Variants in DOP1A observed in about 807,000 individuals in gnomAD.
DOP1A encodes the protein protein DOP1A.
A neutral mutation model predicts 267.6 loss-of-function variants in DOP1A; 90 were observed. That is an observed-to-expected ratio of 0.34 (90% CI 0.28 to 0.40). The LOEUF is 0.40. Ranked by LOEUF, DOP1A falls within the 10% of genes least tolerant of loss-of-function variation. DOP1A has a pLI of 1.00. For synonymous variants in DOP1A, 932 were observed against 999.1 expected (o/e 0.93, Z 1.27); for missense variants, 2,437 against 2,900.4 (o/e 0.84, Z 3.67).
rs369575002 is a variant in DOP1A at position 83,113,438 on chromosome 6, G to A, written c.780+17G>A. 512 of 1,596,110 alleles carry A rather than the reference G, an allele frequency of 3.2e-4. No homozygotes were observed. Among genetic ancestry groups the A allele is most frequent in the Non-Finnish European group, 4.1e-4 (477 of 1,164,328 alleles). On this transcript the variant is annotated intron_variant, in intron 7 of 38. Coordinates refer to ENST00000349129, the MANE Select transcript of DOP1A (RefSeq NM_015018.4). ...ATGAGTCAGGTAAAATATTAACGCC[G>A]ATGTTATTATAAGGCATTCTTGGAA...
In DOP1A at chr6:83,138,512, A is replaced by T; in HGVS notation, c.4470A>T (p.Ile1490=). 1 of 1,613,748 alleles carries T rather than the reference A, an allele frequency of 6.2e-7. No individual in the cohort carries two copies. The highest frequency in any genetic ancestry group is 1.3e-5 in the African/African-American group (1 of 75,056). ...IGNRNMQMMS[I]EILTLLFTEL... ...ATCGAAACATGCAAATGATGAGCAT[A>T]GAAATTCTGACACTACTCTTCACTG... Residue 1490 remains isoleucine (I), a synonymous_variant, in exon 21 of 39, where the codon ATA becomes ATT. Coordinates refer to ENST00000349129, the MANE Select transcript of DOP1A (RefSeq NM_015018.4).
In DOP1A at chr6:83,110,105, C is replaced by A; in HGVS notation, c.492-20C>A. ...GAAACTAAATGTTTCCCTTCTTAAACCACTTTATTTATACCTCAGAACAAA... is the reference window on the plus strand; with the variant it reads ...GAAACTAAATGTTTCCCTTCTTAAAACACTTTATTTATACCTCAGAACAAA... On this transcript the variant is annotated intron_variant, in intron 5 of 38. Transcript: ENST00000349129. 6.5e-7 allele frequency: 1 copy of A among 1,538,768 alleles called. No homozygotes were observed. The highest frequency in any genetic ancestry group is 8.7e-7 in the Non-Finnish European group (1 of 1,145,186).
chr6:83,095,269 A>G (rs1196557681), intron 1 of DOP1A, among the ~76,000 whole-genome samples: 1 of 152,184 alleles, frequency 6.6e-6, no homozygotes, highest in Admixed American at 6.5e-5. Flanking sequence ...GCCTAGCCAC[A>G]GGTCACAAAG....
chr6:83,127,381 G>A (rs1348186159), intron 15 of DOP1A, among the ~76,000 whole-genome samples: 1 of 152,156 alleles, frequency 6.6e-6, no homozygotes, highest in Non-Finnish European at 1.5e-5. Flanking sequence ...ATCTTTCACT[G>A]TCATAATTTT....
chr6:83,139,836 A>T (rs1562351961), intron 21 of DOP1A, among the ~76,000 whole-genome samples, 164 bp from the exon 22 acceptor site: 1 of 152,092 alleles, frequency 6.6e-6, no homozygotes, highest in Non-Finnish European at 1.5e-5. Context: ...CTTATTTTAT[A>T]GATTAGGAAA....
intron 35 of DOP1A, 99 bp downstream of exon 35, chr6:83,157,417 C>A: frequency 7.7e-7 from 1 of 1,298,886 alleles, no homozygotes; most frequent in Non-Finnish European, 1.1e-6. Flanking sequence ...TGGGAGAGAA[C>A]TGAGCTGTAG....
intron 24 of DOP1A, among the ~76,000 whole-genome samples, chr6:83,145,222 A>ATATAATATAATATATATAATATATAT (rs1340897325): frequency 1.4e-5 from 1 of 70,550 alleles, no homozygotes; most frequent in Non-Finnish European, 2.4e-5. Context: ...ATATATATAT[A>ATATAATATAATATATATAATATATAT]ATATATATAT....
intron 1 of DOP1A, among the ~76,000 whole-genome samples, chr6:83,077,600 C>G (rs1329294564): frequency 6.6e-6 from 1 of 151,996 alleles, no homozygotes; most frequent in East Asian, 1.9e-4. Context: ...TGCTTGAGCC[C>G]AGGAGTTAGA....
chr6:83,068,967 C>G (rs1424683254), intron 1 of DOP1A, among the ~76,000 whole-genome samples: 1 of 152,182 alleles, frequency 6.6e-6, no homozygotes, highest in African/African-American at 2.4e-5. Context: ...ACTAAAAACA[C>G]CTGATTTAAT....
chr6:83,133,635 CATT>C (rs907754677), intron 18 of DOP1A, among the ~76,000 whole-genome samples: 12 of 151,978 alleles, frequency 7.9e-5, no homozygotes, highest in African/African-American at 2.7e-4. Context: ...TTGTTTTACC[CATT>C]ATTATATTAA....
rs143123841 is a variant in DOP1A at position 83,079,513 on chromosome 6, T to C, written c.-147+11734T>C. Among the ~76,000 whole-genome samples, 328 of 152,312 alleles carry C rather than the reference T, an allele frequency of 2.2e-3. 1 individual carries two copies. The highest frequency in any genetic ancestry group is 7.6e-3 in the African/African-American group (318 of 41,580). ...TTGGCTAGTATGTATAGTACGGCAT[T>C]GTTATGTTAACTTATGTAAAAACCA... is the stretch of plus-strand genomic sequence containing the variant. On this transcript the variant is annotated intron_variant, in intron 1 of 38. Coordinates refer to ENST00000349129, the MANE Select transcript of DOP1A (RefSeq NM_015018.4).
At chr6:83,133,444 C>A (rs1288810326) in intron 18 of DOP1A, among the ~76,000 whole-genome samples, 1 of 152,024 alleles carries the variant, frequency 6.6e-6, no homozygotes, top group Non-Finnish European at 1.5e-5. Context: ...AGCATGCCTC[C>A]CACCTATCAC....
At chr6:83,114,984 C>T (rs62419229) in intron 7 of DOP1A, among the ~76,000 whole-genome samples, 14,272 of 152,138 alleles carry the variant, frequency 0.094, 863 homozygotes, top group East Asian at 0.15. Flanking sequence ...GTTCCACTTT[C>T]CCTCTTTCTA....
chr6:83,118,299 C>A (rs754694346), intron 7 of DOP1A, among the ~76,000 whole-genome samples: 5 of 151,310 alleles, frequency 3.3e-5, no homozygotes, highest in Non-Finnish European at 5.9e-5. Context: ...TTTTTTTAAA[C>A]GTTGAATTAA....
rs1267072465 is a variant in DOP1A, at chr6:83,168,204, G to A, written c.*37G>A. 12 of 1,575,676 alleles carry A rather than the reference G, an allele frequency of 7.6e-6. No individual in the cohort carries two copies. Among genetic ancestry groups the A allele is most frequent in the Non-Finnish European group, 9.4e-6 (11 of 1,164,836 alleles). On this transcript the variant is annotated 3_prime_UTR_variant, in exon 39 of 39. Transcript: ENST00000349129. ...GGTTCCATTTAGCTTACATGTAAAT[G>A]TAATTATTTAAAACACACACACTGC...
At chr6:83,162,747 A>G (rs1784529855) in intron 37 of DOP1A, 43 bp from the exon 38 acceptor site, 1 of 1,562,338 alleles carries the variant, frequency 6.4e-7, no homozygotes, top group Non-Finnish European at 8.7e-7. Context: ...TAGATGGCAC[A>G]AAGTCTGTCT....
At chr6:83,120,597 T>C (rs908282942) in intron 9 of DOP1A, 86 bp from the exon 10 acceptor site, 21 of 1,114,138 alleles carry the variant, frequency 1.9e-5, no homozygotes, top group Admixed American at 8.7e-5. Flanking sequence ...CCGTTATATA[T>C]GGTTGCATTT....
intron 18 of DOP1A, among the ~76,000 whole-genome samples, chr6:83,132,874 A>C (rs1778297228): frequency 6.6e-6 from 1 of 152,164 alleles, no homozygotes; most frequent in Admixed American, 6.6e-5. Context: ...AAGAAGCTGG[A>C]ATAATCATTT....
intron 1 of DOP1A, among the ~76,000 whole-genome samples, chr6:83,094,741 A>G (rs369326712): frequency 2.6e-5 from 4 of 151,992 alleles, no homozygotes; most frequent in Non-Finnish European, 4.4e-5. Flanking sequence ...TCTTTTTATT[A>G]TTGGCTTGGA....
Sources: allele counts gnomAD v4.1 joint callset (sites outside exome capture counted in the v4.1 genomes callset), GRCh38; gene constraint gnomAD v4.1.1; transcripts MANE v1.5; gene names NCBI Gene and HGNC (gene_info 2026-07-23, HGNC 2026-07-21).